The following PLD5 variants were observed in gnomAD, a reference collection of about 807,000 sequenced individuals.
The protein encoded by PLD5 is phospholipase D family member 5.
PLD5 carries 36 observed loss-of-function variants against 61.1 expected under a neutral mutation model. The observed-to-expected ratio is 0.59, with a 90% CI of 0.45 to 0.78. The LOEUF (loss-of-function observed/expected upper bound fraction) is 0.78, where lower values mean the gene tolerates loss of function less well. Among genes scored for constraint, PLD5 ranks in the 30% least tolerant of loss-of-function variants. PLD5 has a pLI of 0.00. For missense variants in PLD5, 515 were observed against 644.4 expected (o/e 0.80, Z 2.17); for synonymous variants, 243 against 242.8 (o/e 1.00, Z -0.01).
rs567886786 is a variant in PLD5 at position 242,123,318 on chromosome 1, T to C, written c.933+1150A>G. ...ACCAAAACACTTTGAATATTAAACA[T>C]TGAAACAAATGTGAGCTATACATAC... On this transcript the variant is annotated intron_variant, in intron 6 of 9. Transcript: ENST00000536534. Among the ~76,000 whole-genome samples the C allele has an allele frequency of 3.9e-5, 6 of 152,240 alleles. No individual in the cohort carries two copies. The South Asian group carries it at 8.3e-4, about 21-fold the overall frequency.
At chr1:242,325,411 G>C (rs1277105547) in intron 2 of PLD5, among the ~76,000 whole-genome samples, 1 of 143,996 alleles carries the variant, frequency 6.9e-6, no homozygotes, top group Non-Finnish European at 1.5e-5. Context: ...GGGGTTGTGG[G>C]GGGAGAGCGA....
chr1:242,297,919 G>A (rs1183501945), intron 2 of PLD5, among the ~76,000 whole-genome samples: 9 of 152,070 alleles, frequency 5.9e-5, no homozygotes, highest in Non-Finnish European at 1.2e-4. Flanking sequence ...GATTACAGGC[G>A]TGAGCCACCG....
chr1:242,391,960 T>C (rs1055389496), intron 1 of PLD5, among the ~76,000 whole-genome samples: 1 of 152,210 alleles, frequency 6.6e-6, no homozygotes, highest in African/African-American at 2.4e-5. Flanking sequence ...CATACACTCA[T>C]GTTCATTGCA....
At chr1:242,111,688 A>C (rs1661516978) in intron 7 of PLD5, among the ~76,000 whole-genome samples, 1 of 152,196 alleles carries the variant, frequency 6.6e-6, no homozygotes, top group Non-Finnish European at 1.5e-5. Flanking sequence ...AACCAGTCTG[A>C]ATTTATACAA....
intron 9 of PLD5, among the ~76,000 whole-genome samples, chr1:242,094,092 GT>G (rs563270956): frequency 1.6e-4 from 25 of 151,612 alleles, no homozygotes; most frequent in Non-Finnish European, 3.4e-4. Flanking sequence ...ATGCTTCAGT[GT>G]TTTTTTAATT....
At chr1:242,463,663 GA>G (rs1667188389) in intron 1 of PLD5, among the ~76,000 whole-genome samples, 1 of 151,772 alleles carries the variant, frequency 6.6e-6, no homozygotes, top group Non-Finnish European at 1.5e-5. Flanking sequence ...CTATGACCAA[GA>G]ATGAACTGGC....
chr1:242,450,564 T>C (rs561675423), intron 1 of PLD5, among the ~76,000 whole-genome samples: 2 of 152,300 alleles, frequency 1.3e-5, no homozygotes, highest in Non-Finnish European at 1.5e-5. Flanking sequence ...TCTTCTTGTA[T>C]GGTTAGGCCT....
chr1:242,275,002 C>T (rs1354985505), intron 3 of PLD5, among the ~76,000 whole-genome samples: 3 of 152,090 alleles, frequency 2.0e-5, no homozygotes, highest in Non-Finnish European at 4.4e-5. Flanking sequence ...GAAACATAAG[C>T]GCCCAATTGC....
chr1:242,309,331 C>G (rs1475626683), intron 2 of PLD5, among the ~76,000 whole-genome samples: 1 of 151,082 alleles, frequency 6.6e-6, no homozygotes, highest in African/African-American at 2.4e-5. Flanking sequence ...AGAACAACAA[C>G]AACAACAACA....
intron 3 of PLD5, among the ~76,000 whole-genome samples, chr1:242,281,210 C>G (rs1027244707): frequency 6.6e-6 from 1 of 152,116 alleles, no homozygotes. Context: ...ACAAACATGG[C>G]AAGGAAACGT....
At chr1:242,282,357 C>T (rs1485523921) in intron 3 of PLD5, among the ~76,000 whole-genome samples, 1 of 152,172 alleles carries the variant, frequency 6.6e-6, no homozygotes, top group Non-Finnish European at 1.5e-5. Flanking sequence ...CAGCTCCACT[C>T]CTGGCTCATT....
intron 1 of PLD5, among the ~76,000 whole-genome samples, chr1:242,431,135 C>A (rs1038988196): frequency 6.6e-6 from 1 of 152,156 alleles, no homozygotes; most frequent in African/African-American, 2.4e-5. Context: ...TCATTAAGAA[C>A]ATTCACGCTG....
intron 1 of PLD5, among the ~76,000 whole-genome samples, chr1:242,428,415 T>C (rs1177499845): frequency 6.6e-6 from 1 of 152,222 alleles, no homozygotes; most frequent in Non-Finnish European, 1.5e-5. Context: ...ACAGAAATTG[T>C]TTTACTAGGT....
chr1:242,472,016 T>C (rs1036393250), intron 1 of PLD5, among the ~76,000 whole-genome samples: 2 of 152,200 alleles, frequency 1.3e-5, no homozygotes, highest in African/African-American at 4.8e-5. Flanking sequence ...ACCACCCTGT[T>C]CGATTTCAAT....
intron 5 of PLD5, among the ~76,000 whole-genome samples, chr1:242,132,124 C>T (rs1397365462): frequency 7.2e-6 from 1 of 139,672 alleles, no homozygotes; most frequent in African/African-American, 2.7e-5. Context: ...AGCCACCACG[C>T]CCAGACTTTT....
intron 1 of PLD5, among the ~76,000 whole-genome samples, chr1:242,468,084 G>A (rs557874409): frequency 6.6e-6 from 1 of 152,240 alleles, no homozygotes; most frequent in Admixed American, 6.5e-5. Flanking sequence ...AAATTAGAGA[G>A]GAAATGAAAA....
chr1:242,298,762 C>A (rs1574689837), intron 2 of PLD5, among the ~76,000 whole-genome samples: 1 of 152,118 alleles, frequency 6.6e-6, no homozygotes, highest in Admixed American at 6.5e-5. Context: ...AGCCACTCTG[C>A]CAATCTTACT....
At chr1:242,512,456 C>T (rs921757255) in intron 1 of PLD5, among the ~76,000 whole-genome samples, 1 of 151,470 alleles carries the variant, frequency 6.6e-6, no homozygotes, top group East Asian at 1.9e-4. Flanking sequence ...GGGTTTGACA[C>T]ATTCCCTGCT....
At position 242,431,414 on chromosome 1, in the gene PLD5, G is replaced by A. The variant is rs553939057; in HGVS notation, c.190-83172C>T. 1.3e-4 allele frequency among the ~76,000 whole-genome samples: 20 copies of A among 152,266 alleles called. No individual in the cohort carries two copies. In the South Asian group the frequency reaches 3.7e-3, roughly 28 times the overall value. On this transcript the variant is annotated intron_variant, in intron 1 of 9. Transcript: ENST00000536534. ...AGCGACTGAGGATAAGAGATGAATC[G>A]GTTCCACATGATAGATTTAATTACT...
Sources: allele counts gnomAD v4.1 joint callset (sites outside exome capture counted in the v4.1 genomes callset), GRCh38; gene constraint gnomAD v4.1.1; transcripts MANE v1.5; gene names NCBI Gene and HGNC (gene_info 2026-07-23, HGNC 2026-07-21).